Variants in SPARCL1 observed in about 807,000 individuals in gnomAD.
The protein encoded by SPARCL1 is SPARC like 1.
SPARCL1 carries 52 observed loss-of-function variants against 67.1 expected under a neutral mutation model. The observed-to-expected ratio is 0.78, with a 90% CI of 0.62 to 0.98. SPARCL1 has a LOEUF of 0.98. Ranked by LOEUF, SPARCL1 falls within the 50% of genes least tolerant of loss-of-function variation. The pLI is 0.00. For missense variants in SPARCL1, 717 were observed against 782.4 expected (o/e 0.92, Z 1.00); for synonymous variants, 226 against 267.8 (o/e 0.84, Z 1.52).
intron 3 of SPARCL1, 36 bp downstream of exon 3, chr4:87,494,945 A>T (rs1240699284): frequency 1.3e-6 from 2 of 1,539,502 alleles, no homozygotes; most frequent in Non-Finnish European, 8.8e-7. Flanking sequence ...TTGGAGAATT[A>T]AAAAATTGTA....
At position 87,490,893 on chromosome 4, in the gene SPARCL1, T is replaced by G. The variant is rs749834935; in HGVS notation, c.1292-15A>C. On this transcript the variant is annotated splice_polypyrimidine_tract_variant and intron_variant, in intron 5 of 10. Transcript: ENST00000282470. ...CATGCAAGAATCTAACAGAAAAGAT[T>G]GGGCAGGAAGCATGGACAAAGTTAA... 2.8e-5 allele frequency: 41 copies of G among 1,453,404 alleles called. No homozygotes were observed. The highest frequency in any genetic ancestry group is 3.8e-5 in the Non-Finnish European group (40 of 1,053,114). The allele number at this position is 1,453,404 out of a possible 1,614,324, so 90.0% of individuals were successfully genotyped here.
intron 1 of SPARCL1, among the ~76,000 whole-genome samples, chr4:87,523,232 G>T (rs1725898514): frequency 6.8e-6 from 1 of 148,078 alleles, no homozygotes; most frequent in Non-Finnish European, 1.5e-5. Flanking sequence ...CTGCACTCCA[G>T]CCTGGGTGAC....
chr4:87,488,448 C>T (rs187740148), intron 7 of SPARCL1, among the ~76,000 whole-genome samples: 1 of 152,198 alleles, frequency 6.6e-6, no homozygotes, highest in Non-Finnish European at 1.5e-5. Flanking sequence ...ACATTGCTGC[C>T]TGTTCCTTCC....
rs141794936 is a variant in SPARCL1 at position 87,473,899 on chromosome 4, A to G, written c.1967-96T>C. On this transcript the variant is annotated intron_variant, in intron 10 of 10. Transcript: ENST00000282470. ...GTTGGGGGATTAGAGAAACCATCTA[A>G]TAAGGCAGTATAATGGTGATCCTCA... The G allele has an allele frequency of 4.5e-5, 35 of 784,770 alleles. No homozygotes were observed. In the African/African-American group the frequency reaches 5.5e-4, roughly 12 times the overall value. 48.6% of individuals were successfully genotyped at this position (784,770 alleles called of 1,614,324 possible). A position where few individuals can be genotyped will look rare whatever the true frequency, so the allele number is the denominator to read the frequency against.
chr4:87,484,425 C>G (rs1241575290), intron 7 of SPARCL1, among the ~76,000 whole-genome samples: 3 of 152,168 alleles, frequency 2.0e-5, no homozygotes, highest in African/African-American at 7.2e-5. Flanking sequence ...GCCATCTGCT[C>G]TGTTCCATTG....
intron 4 of SPARCL1, among the ~76,000 whole-genome samples, chr4:87,492,164 T>G (rs1226302410): frequency 6.6e-6 from 1 of 151,968 alleles, no homozygotes; most frequent in Non-Finnish European, 1.5e-5. Context: ...GAGCCTGTAA[T>G]CCCAGCACTT....
intron 1 of SPARCL1, among the ~76,000 whole-genome samples, chr4:87,526,926 T>C (rs1177558844): frequency 1.3e-5 from 2 of 152,192 alleles, no homozygotes; most frequent in Admixed American, 6.5e-5. Context: ...CCCATTTCCA[T>C]GAATGAAGAG....
At chr4:87,515,722 G>A (rs1725554498) in intron 1 of SPARCL1, among the ~76,000 whole-genome samples, 1 of 152,156 alleles carries the variant, frequency 6.6e-6, no homozygotes, top group African/African-American at 2.4e-5. Context: ...AATGCCTAGA[G>A]TTTTTCTATT....
intron 1 of SPARCL1, among the ~76,000 whole-genome samples, chr4:87,512,912 T>C (rs1578113720): frequency 6.6e-6 from 1 of 152,166 alleles, no homozygotes; most frequent in African/African-American, 2.4e-5. Context: ...AATAAGCAAA[T>C]TGTGTAGCTT....
chr4:87,519,065 A>G (rs17012758), intron 1 of SPARCL1, among the ~76,000 whole-genome samples: 39,940 of 151,038 alleles, frequency 0.26, 5,540 homozygotes, highest in South Asian at 0.41. Flanking sequence ...CTTCCTATCA[A>G]GTCCCTATCT....
chr4:87,508,607 A>G (rs10003497), intron 1 of SPARCL1, among the ~76,000 whole-genome samples: 65,744 of 151,472 alleles, frequency 0.43, 14,891 homozygotes, highest in East Asian at 0.75. Context: ...GTAAAGGCAG[A>G]GGAAGATTAG....
chr4:87,482,651 A>C, intron 7 of SPARCL1, 91 bp from the exon 8 acceptor site: 1 of 1,417,782 alleles, frequency 7.1e-7, no homozygotes, highest in Non-Finnish European at 9.8e-7. Context: ...ACTTCTGGCA[A>C]CTGACAGAGC....
intron 1 of SPARCL1, among the ~76,000 whole-genome samples, chr4:87,510,267 T>C (rs72879298): frequency 0.063 from 9,567 of 152,078 alleles, 1,002 homozygotes; most frequent in African/African-American, 0.22. Context: ...TAGCTTAAAA[T>C]TGATAGCAAC....
chr4:87,514,629 C>T (rs1478022702), intron 1 of SPARCL1, among the ~76,000 whole-genome samples: 1 of 152,182 alleles, frequency 6.6e-6, no homozygotes, highest in East Asian at 1.9e-4. Context: ...GCCTTGTGTT[C>T]TTCCATTGTG....
chr4:87,501,171 G>T (rs896157168), intron 1 of SPARCL1, among the ~76,000 whole-genome samples: 1 of 152,158 alleles, frequency 6.6e-6, no homozygotes, highest in Non-Finnish European at 1.5e-5. Flanking sequence ...CCCCTTGGAA[G>T]TGGCACTCCC....
Position 87,529,055 on chromosome 4 carries a change from GGGGCT to G in SPARCL1, c.-27_-23del, listed in dbSNP as rs1267009352. On this transcript the variant is annotated 5_prime_UTR_variant, in exon 1 of 11. Coordinates refer to ENST00000282470, the MANE Select transcript of SPARCL1 (RefSeq NM_004684.6). ...TTTATTACAACTTACCTTTAAGTAA[GGGGCT>G]GGACCCAGAGCCACTGCAGAAAAAT... 1 of 152,156 alleles carries G rather than the reference GGGGCT, an allele frequency of 6.6e-6. No individual in the cohort carries two copies. The highest frequency in any genetic ancestry group is 2.4e-5 in the African/African-American group (1 of 41,422). 9.4% of individuals were successfully genotyped at this position (152,156 alleles called of 1,614,324 possible). A position where few individuals can be genotyped will look rare whatever the true frequency, so the allele number is the denominator to read the frequency against.
At chr4:87,477,852 T>A (rs908253328) in intron 10 of SPARCL1, among the ~76,000 whole-genome samples, 1 of 152,220 alleles carries the variant, frequency 6.6e-6, no homozygotes, top group African/African-American at 2.4e-5. Flanking sequence ...TGTGGGGTGA[T>A]TCACTATGCA....
rs760345741 is a variant in SPARCL1 at position 87,494,456 on chromosome 4, G to A, written c.344C>T (p.Pro115Leu). 5.0e-6 allele frequency: 8 copies of A among 1,613,928 alleles called. No homozygotes were observed. ...GHLSVNLEYA[P>L]TEGTLDIKED... is the part of the protein sequence containing the mutation. The stretch of plus-strand genomic sequence containing the variant: ...TTTTATGTCCAATGTACCTTCAGTT[G>A]GTGCATACTCCAAATTCACACTTAA... Residue 115 changes from proline to leucine, a missense_variant, in exon 4 of 11, where the codon CCA becomes CTA. By Grantham distance (98) the Pro-to-Leu change is moderately conservative. Transcript: ENST00000282470.
At position 87,497,997 on chromosome 4, in the gene SPARCL1, G is replaced by A. The variant is rs150720980; in HGVS notation, c.54+1524C>T. Among the ~76,000 whole-genome samples the A allele has an allele frequency of 4.0e-3, 612 of 152,248 alleles. 2 individuals carry two copies. The highest frequency in any genetic ancestry group is 0.014 in the African/African-American group (576 of 41,538). Reference sequence around the variant, plus strand: ...CGGTCTTGAACTCTTGGGCTCAAGCGATCCTCTGGCCTTGACCTCCCAAAG... The same window carrying A: ...CGGTCTTGAACTCTTGGGCTCAAGCAATCCTCTGGCCTTGACCTCCCAAAG... On this transcript the variant is annotated intron_variant, in intron 2 of 10. Coordinates refer to ENST00000282470, the MANE Select transcript of SPARCL1 (RefSeq NM_004684.6).
Sources: allele counts gnomAD v4.1 joint callset (sites outside exome capture counted in the v4.1 genomes callset), GRCh38; gene constraint gnomAD v4.1.1; transcripts MANE v1.5; gene names NCBI Gene and HGNC (gene_info 2026-07-23, HGNC 2026-07-21).